The following RNF150 variants were observed in gnomAD, a reference collection of about 807,000 sequenced individuals.
The protein encoded by RNF150 is ring finger protein 150.
In RNF150, 24 loss-of-function variants were observed where a neutral mutation model predicts 39.3. The observed-to-expected ratio is 0.61, with a 90% CI of 0.44 to 0.86. The LOEUF is 0.86. RNF150 is among the 40% of genes least tolerant of loss of function. The probability of loss-of-function intolerance (pLI) is 0.00; values close to 1 mark genes in which losing one functional copy is unlikely to be tolerated. For missense variants in RNF150, 502 were observed against 587.8 expected (o/e 0.85, Z 1.51); for synonymous variants, 255 against 227.3 (o/e 1.12, Z -1.10).
intron 1 of RNF150, among the ~76,000 whole-genome samples, chr4:141,170,080 A>G (rs565624817): frequency 6.6e-6 from 1 of 152,340 alleles, no homozygotes; most frequent in South Asian, 2.1e-4. Context: ...TGCTCGTATA[A>G]TTAAGATAAT....
intron 1 of RNF150, among the ~76,000 whole-genome samples, chr4:141,165,545 G>A (rs1727585232): frequency 6.6e-6 from 1 of 152,078 alleles, no homozygotes; most frequent in African/African-American, 2.4e-5. Context: ...CACATAATTG[G>A]AACTAAAATG....
intron 1 of RNF150, among the ~76,000 whole-genome samples, chr4:141,097,272 C>T (rs1036313739): frequency 6.6e-6 from 1 of 152,172 alleles, no homozygotes; most frequent in Non-Finnish European, 1.5e-5. Context: ...ACCCTAGGTC[C>T]TGACAGCTGT....
chr4:141,009,203 G>A lies in RNF150; in HGVS notation c.485-41330C>T, dbSNP rs139465909. On this transcript the variant is annotated intron_variant, in intron 1 of 6. Transcript: ENST00000515673. ...TTTGAAAAAATATTTGATGATTCTT[G>A]TTAAGACTAACATATGCTTATATTT... Among the ~76,000 whole-genome samples the A allele has an allele frequency of 9.2e-5, 14 of 152,208 alleles. No individual in the cohort carries two copies. In the East Asian group the frequency reaches 2.7e-3, roughly 29 times the overall value.
chr4:141,048,145 C>T (rs1283548610), intron 1 of RNF150, among the ~76,000 whole-genome samples: 3 of 152,186 alleles, frequency 2.0e-5, no homozygotes, highest in African/African-American at 7.2e-5. Flanking sequence ...TCATTTAAAG[C>T]TATTTTATAT....
intron 2 of RNF150, among the ~76,000 whole-genome samples, chr4:140,954,484 G>A (rs899084660): frequency 2.0e-5 from 3 of 152,132 alleles, no homozygotes; most frequent in Admixed American, 2.0e-4. Flanking sequence ...GGGATTACTG[G>A]CATGAGCTAC....
chr4:140,909,348 A>C (rs1187047895), intron 6 of RNF150, among the ~76,000 whole-genome samples: 2 of 152,184 alleles, frequency 1.3e-5, no homozygotes, highest in East Asian at 3.8e-4. Context: ...TTAGTTTTAC[A>C]GTGTCTCAAT....
chr4:141,000,005 G>GAAAAGAAGAA (rs1560678896), intron 1 of RNF150, among the ~76,000 whole-genome samples: 1 of 33,188 alleles, frequency 3.0e-5, no homozygotes, highest in African/African-American at 9.4e-5. Flanking sequence ...AGAAGAAGAA[G>GAAAAGAAGAA]AAGAAGAAGA....
At position 140,911,205 on chromosome 4, in the gene RNF150, C is replaced by A; in HGVS notation, c.1137G>T (p.Leu379Phe). 1 of 1,614,162 alleles carries A rather than the reference C, an allele frequency of 6.2e-7. No individual in the cohort carries two copies. Among genetic ancestry groups the A allele is most frequent in the South Asian group, 1.1e-5 (1 of 91,084 alleles). The change falls in exon 6 of 7, where the codon TTG (leucine) becomes TTT (phenylalanine). Residue 379 changes from leucine (L) to phenylalanine (F), a missense_variant. Transcript: ENST00000515673. ...TGGGGTCTGTATCCTGGACCACCTG[C>A]AAGGCTCCCACAGTCCGGACAGCAG... The part of the protein sequence containing the change: ...LDPAVRTVGA[L>F]QVVQDTDPIP...
rs145757745 is a variant in RNF150 at position 140,968,162 on chromosome 4, C to A, written c.485-289G>T. Among the ~76,000 whole-genome samples the A allele has an allele frequency of 2.2e-3, 337 of 152,124 alleles. 2 individuals are homozygous for A. The highest frequency in any genetic ancestry group is 4.1e-3 in the Non-Finnish European group (281 of 67,986). ...TCTTGCGATGCCCTTTTCAACTCTC[C>A]AAAGCATTGACTCCAGGTCTGGTAA... On this transcript the variant is annotated intron_variant, in intron 1 of 6. Coordinates refer to ENST00000515673, the MANE Select transcript of RNF150 (RefSeq NM_020724.2).
intron 4 of RNF150, among the ~76,000 whole-genome samples, chr4:140,946,859 A>T (rs1732334628): frequency 6.6e-6 from 1 of 152,220 alleles, no homozygotes; most frequent in African/African-American, 2.4e-5. Context: ...ATCTCCCAAC[A>T]AGGCATAATT....
chr4:141,009,858 G>A (rs1187279278), intron 1 of RNF150, among the ~76,000 whole-genome samples: 1 of 152,106 alleles, frequency 6.6e-6, no homozygotes, highest in African/African-American at 2.4e-5. Flanking sequence ...CTGGACTGCA[G>A]GCATCCCCAA....
At chr4:141,195,185 G>A (rs578204071) in intron 1 of RNF150, among the ~76,000 whole-genome samples, 37 of 152,028 alleles carry the variant, frequency 2.4e-4, no homozygotes, top group Admixed American at 1.4e-3. Context: ...CACAGGCTAC[G>A]AGGAAAAATA....
chr4:141,127,942 C>T (rs552276348), intron 1 of RNF150, among the ~76,000 whole-genome samples: 8 of 152,320 alleles, frequency 5.3e-5, no homozygotes, highest in African/African-American at 1.7e-4. Context: ...GCCCTTGCTA[C>T]GATGAGATTT....
At chr4:141,173,874 T>A (rs1727767832) in intron 1 of RNF150, among the ~76,000 whole-genome samples, 1 of 152,246 alleles carries the variant, frequency 6.6e-6, no homozygotes, top group African/African-American at 2.4e-5. Context: ...AACTTCTATG[T>A]CTCATTCAAC....
chr4:141,154,576 A>C (rs1727352051), intron 1 of RNF150, among the ~76,000 whole-genome samples: 2 of 152,232 alleles, frequency 1.3e-5, no homozygotes, highest in Admixed American at 1.3e-4. Flanking sequence ...CCTTGGCTGA[A>C]CACCTTGCAA....
rs146888048 is a variant in RNF150 at position 141,006,802 on chromosome 4, T to C, written c.485-38929A>G. On this transcript the variant is annotated intron_variant, in intron 1 of 6. Transcript: ENST00000515673. ...TCTACTTGCAGTTCTCTTAAATCCA[T>C]ATATTTAAAAGTTTCAGAATTGTAT... Among the ~76,000 whole-genome samples, 220 of 152,344 alleles carry C rather than the reference T, an allele frequency of 1.4e-3. 1 individual carries two copies. The highest frequency in any genetic ancestry group is 5.1e-3 in the African/African-American group (214 of 41,590).
intron 5 of RNF150, among the ~76,000 whole-genome samples, chr4:140,923,561 G>A (rs1731251725): frequency 6.6e-6 from 1 of 152,142 alleles, no homozygotes; most frequent in African/African-American, 2.4e-5. Context: ...AAGTCGGTGT[G>A]GCGATTCCTC....
chr4:140,936,287 A>G (rs1731861349), intron 4 of RNF150, among the ~76,000 whole-genome samples: 1 of 152,184 alleles, frequency 6.6e-6, no homozygotes, highest in African/African-American at 2.4e-5. Context: ...CATTTCTCTC[A>G]GGTATATATC....
intron 2 of RNF150, among the ~76,000 whole-genome samples, chr4:140,957,960 G>T (rs1055847442): frequency 6.6e-6 from 1 of 151,744 alleles, no homozygotes; most frequent in East Asian, 1.9e-4. Context: ...GAGTTAGTGG[G>T]TGTAGCGCAC....
Sources: gnomAD v4.1 joint callset for allele counts (sites outside exome capture counted in the v4.1 genomes callset) on GRCh38, gnomAD v4.1.1 for gene constraint, MANE v1.5 for transcripts, NCBI Gene and HGNC (gene_info 2026-07-23, HGNC 2026-07-21) for gene names.